The following DAGLA variants were observed in gnomAD, a reference collection of about 807,000 sequenced individuals.
DAGLA encodes the protein diacylglycerol lipase-alpha.
A neutral mutation model predicts 102.6 loss-of-function variants in DAGLA; 22 were observed. That is an observed-to-expected ratio of 0.21 (90% CI 0.15 to 0.31). The LOEUF is 0.31. Ranked by LOEUF, DAGLA falls within the 10% of genes least tolerant of loss-of-function variation. The probability of loss-of-function intolerance (pLI) is 1.00; values close to 1 mark genes in which losing one functional copy is unlikely to be tolerated. For synonymous variants in DAGLA, 578 were observed against 628.9 expected (o/e 0.92, Z 1.21); for missense variants, 927 against 1,446.6 (o/e 0.64, Z 5.83).
intron 1 of DAGLA, among the ~76,000 whole-genome samples, chr11:61,716,228 G>T (rs889070178): frequency 1.3e-5 from 2 of 152,146 alleles, no homozygotes; most frequent in African/African-American, 4.8e-5. Context: ...GTGGGGATGG[G>T]CAGCAAGGAG....
Position 61,738,041 on chromosome 11 carries a change from G to A in DAGLA, c.1584-94G>A, listed in dbSNP as rs772960040. 272 of 995,344 alleles carry A rather than the reference G, an allele frequency of 2.7e-4. 1 individual carries two copies. Among genetic ancestry groups the A allele is most frequent in the Non-Finnish European group, 3.2e-4 (203 of 637,388 alleles). 61.7% of individuals were successfully genotyped at this position (995,344 alleles called of 1,614,324 possible). A position where few individuals can be genotyped will look rare whatever the true frequency, so the allele number is the denominator to read the frequency against. ...GCTGACGTGTCTTCTTGTTCCAGGGGCTAGGCGTGTGCCTGCCCCTCCGCC... is the reference window on the plus strand; with the variant it reads ...GCTGACGTGTCTTCTTGTTCCAGGGACTAGGCGTGTGCCTGCCCCTCCGCC... On this transcript the variant is annotated intron_variant, in intron 15 of 19. Transcript: ENST00000257215.
chr11:61,710,384 G>A (rs956409067), intron 1 of DAGLA, among the ~76,000 whole-genome samples: 5 of 152,052 alleles, frequency 3.3e-5, no homozygotes, highest in African/African-American at 9.7e-5. Flanking sequence ...GGCATCCTGC[G>A]TTTGAGCTGG....
chr11:61,744,005 T>C lies in DAGLA; in HGVS notation c.2645T>C (p.Val882Ala), dbSNP rs1475760640. The change falls in exon 20 of 20, where the codon GTT becomes GCT. Residue 882 changes from valine to alanine, a missense_variant. Transcript: ENST00000257215. ...GCGGCCAATGACGAGGAGGAAGAGG[T>C]TGGCGGTGGGGGTGGCGGGCCGGCC... ...SAAANDEEEE[V>A]GGGGGGPASR... 3 of 1,611,774 alleles carry C rather than the reference T, an allele frequency of 1.9e-6. No homozygotes were observed. In the African/African-American group the frequency reaches 4.0e-5, roughly 22 times the overall value.
chr11:61,721,374 A>G (rs2135582428), intron 3 of DAGLA, among the ~76,000 whole-genome samples: 1 of 152,314 alleles, frequency 6.6e-6, no homozygotes, highest in Middle Eastern at 3.4e-3. Flanking sequence ...AGCCTGGGTG[A>G]CAGAGCAAGT....
At position 61,684,144 on chromosome 11, in the gene DAGLA, C is replaced by T. The variant is rs2135545112; in HGVS notation, c.-45+3640C>T. Among the ~76,000 whole-genome samples, 1 of 152,342 alleles carries T rather than the reference C, an allele frequency of 6.6e-6. No homozygotes were observed. The highest frequency in any genetic ancestry group is 1.9e-4 in the East Asian group (1 of 5,170). On this transcript the variant is annotated intron_variant, in intron 1 of 19. Transcript: ENST00000257215. This position sits in a 1 kb window ranked among gnomAD's most constrained non-coding sequence, Gnocchi z 4.5. ...CAGCTTGTCACTGGAAGCCACTCCTCCCCCAGTCCCTCTCCTCGAGACCAG... is the reference window on the plus strand; with the variant it reads ...CAGCTTGTCACTGGAAGCCACTCCTTCCCCAGTCCCTCTCCTCGAGACCAG...
At chr11:61,725,720 TC>T (rs1336691974) in intron 5 of DAGLA, among the ~76,000 whole-genome samples, 1 of 151,982 alleles carries the variant, frequency 6.6e-6, no homozygotes, top group South Asian at 2.1e-4. Context: ...TCTCAACTGC[TC>T]CCCACCTCTC....
At chr11:61,682,852 G>A (rs565420036) in intron 1 of DAGLA, among the ~76,000 whole-genome samples, 3 of 104,304 alleles carry the variant, frequency 2.9e-5, no homozygotes, top group Non-Finnish European at 6.8e-5. Flanking sequence ...GCAGGGGGAC[G>A]GGGGGGGGAG....
chr11:61,712,333 T>C (rs1410876226), intron 1 of DAGLA, among the ~76,000 whole-genome samples: 1 of 152,204 alleles, frequency 6.6e-6, no homozygotes, highest in East Asian at 1.9e-4. Context: ...AGGATGGTTA[T>C]GTGGCTGGCA....
intron 1 of DAGLA, among the ~76,000 whole-genome samples, chr11:61,687,230 G>A (rs2135547778): frequency 6.6e-6 from 1 of 152,196 alleles, no homozygotes; most frequent in African/African-American, 2.4e-5. Context: ...TTGAACCCAG[G>A]ATGGGTTCTT....
At chr11:61,723,596 A>G (rs2065302162) in intron 5 of DAGLA, 24 bp downstream of exon 5, 1 of 1,606,208 alleles carries the variant, frequency 6.2e-7, no homozygotes, top group Non-Finnish European at 8.5e-7. Flanking sequence ...CTGGGTGGGC[A>G]GTCCCAGGGT....
At chr11:61,720,977 A>T in intron 3 of DAGLA, 87 bp downstream of exon 3, 1 of 1,306,284 alleles carries the variant, frequency 7.7e-7, no homozygotes, top group South Asian at 1.3e-5. Context: ...ACATGTTGCG[A>T]GCCAGGCCCT....
intron 13 of DAGLA, 116 bp from the exon 14 acceptor site, chr11:61,737,066 A>G: frequency 7.0e-7 from 1 of 1,436,918 alleles, no homozygotes; most frequent in Non-Finnish European, 9.6e-7. Flanking sequence ...CACACAGCAC[A>G]GACAAGATCC....
At position 61,737,253 on chromosome 11, in the gene DAGLA, C is replaced by T; in HGVS notation, c.1443C>T (p.Leu481=). ...TGGGCGCGGGCACTGCTGCCATCCT[C>T]TCCTTCCTTCTGCGCCCACAGTATC... is the stretch of plus-strand genomic sequence containing the variant. ...HSLGAGTAAI[L]SFLLRPQYPT... is the part of the protein sequence containing the mutation. Residue 481 remains leucine, a synonymous_variant, in exon 14 of 20, where the codon CTC becomes CTT. Transcript: ENST00000257215. The T allele has an allele frequency of 6.2e-7, 1 of 1,613,306 alleles. No individual in the cohort carries two copies. The highest frequency in any genetic ancestry group is 8.5e-7 in the Non-Finnish European group (1 of 1,180,034).
chr11:61,712,388 C>T (rs2065201127), intron 1 of DAGLA, among the ~76,000 whole-genome samples: 1 of 152,184 alleles, frequency 6.6e-6, no homozygotes, highest in Non-Finnish European at 1.5e-5. Flanking sequence ...CCTTCCAGGC[C>T]ATCCTGGGGG....
chr11:61,741,046 A>C (rs2065474162), intron 18 of DAGLA, 116 bp from the exon 19 acceptor site: 1 of 991,896 alleles, frequency 1.0e-6, no homozygotes, highest in African/African-American at 1.6e-5. Context: ...GTGGGACCCA[A>C]GTGACTCCAT....
At chr11:61,727,201 T>C (rs2065335569) in intron 6 of DAGLA, among the ~76,000 whole-genome samples, 1 of 152,246 alleles carries the variant, frequency 6.6e-6, no homozygotes, top group African/African-American at 2.4e-5. Context: ...GCTTACACAT[T>C]TTAATTGGAT....
chr11:61,714,983 T>C (rs949330362), intron 1 of DAGLA, among the ~76,000 whole-genome samples: 2 of 152,176 alleles, frequency 1.3e-5, no homozygotes, highest in Non-Finnish European at 2.9e-5. Flanking sequence ...AAGTGTTGAC[T>C]GATTTAACCC....
Position 61,744,521 on chromosome 11 carries a change from C to G in DAGLA, c.*32C>G. ...AGTTGCGTGGCCAGCCGGGCCCAGG[C>G]AGGAGCAGGTGGCCCTGTGGGCACC... is the stretch of plus-strand genomic sequence containing the variant. On this transcript the variant is annotated 3_prime_UTR_variant, in exon 20 of 20. Coordinates refer to ENST00000257215, the MANE Select transcript of DAGLA (RefSeq NM_006133.3). 6.6e-7 allele frequency: 1 copy of G among 1,513,352 alleles called. No individual in the cohort carries two copies. The highest frequency in any genetic ancestry group is 8.9e-7 in the Non-Finnish European group (1 of 1,128,298). The allele number at this position is 1,513,352 out of a possible 1,614,324, so 93.7% of individuals were successfully genotyped here.
In DAGLA at chr11:61,686,604, C is replaced by T. The variant is rs1214701335; in HGVS notation, c.-45+6100C>T. On this transcript the variant is annotated intron_variant, in intron 1 of 19. Transcript: ENST00000257215. The surrounding 1 kb of genome is among the most constrained non-coding windows in gnomAD (Gnocchi z 5.2). ...CCCTCACCTGTGTTTGGGGGCTGCT[C>T]CTGCAAACCAGTCCTACACCTGGAG... Among the ~76,000 whole-genome samples, 3 of 152,176 alleles carry T rather than the reference C, an allele frequency of 2.0e-5. No individual in the cohort carries two copies. The highest frequency in any genetic ancestry group is 2.1e-4 in the South Asian group (1 of 4,836).
Sources: allele counts gnomAD v4.1 joint callset (sites outside exome capture counted in the v4.1 genomes callset), GRCh38; gene constraint gnomAD v4.1.1; non-coding constraint Gnocchi (gnomAD v3.1); transcripts MANE v1.5; gene names NCBI Gene and HGNC (gene_info 2026-07-23, HGNC 2026-07-21).